The following SCAI variants were observed in gnomAD, a reference collection of about 807,000 sequenced individuals.
The protein encoded by SCAI is suppressor of cancer cell invasion.
A neutral mutation model predicts 92.2 loss-of-function variants in SCAI; 24 were observed. The ratio of observed to expected loss-of-function variants is 0.26; its 90% confidence interval spans 0.19 to 0.37. SCAI has a LOEUF of 0.37. Among genes scored for constraint, SCAI ranks in the 10% least tolerant of loss-of-function variants. The pLI is 1.00. For synonymous variants in SCAI, 261 were observed against 258.6 expected (o/e 1.01, Z -0.09); for missense variants, 450 against 736.2 (o/e 0.61, Z 4.50).
chr9:125,044,393 C>A (rs1833393382), intron 3 of SCAI, among the ~76,000 whole-genome samples: 1 of 152,102 alleles, frequency 6.6e-6, no homozygotes, highest in African/African-American at 2.4e-5. Flanking sequence ...AAAGGAGCTA[C>A]CCACTCCTTT....
chr9:125,018,722 A>G (rs1832811953), intron 9 of SCAI, 77 bp downstream of exon 9: 1 of 1,272,018 alleles, frequency 7.9e-7, no homozygotes, highest in African/African-American at 1.5e-5. Context: ...GATATTTATA[A>G]GAAAATAATT....
chr9:125,039,733 GTT>G (rs1833281641), intron 3 of SCAI, among the ~76,000 whole-genome samples: 1 of 152,070 alleles, frequency 6.6e-6, no homozygotes, highest in South Asian at 2.1e-4. Context: ...TGGTTACAAG[GTT>G]TTAAGACTTG....
intron 2 of SCAI, among the ~76,000 whole-genome samples, chr9:125,128,250 AAGGT>A: frequency 6.6e-6 from 1 of 152,116 alleles, no homozygotes; most frequent in African/African-American, 2.4e-5. Flanking sequence ...CCAGGCGTTC[AAGGT>A]GCTGTAAGCT....
chr9:124,967,945 A>G (rs1831572719), intron 17 of SCAI, among the ~76,000 whole-genome samples: 1 of 152,214 alleles, frequency 6.6e-6, no homozygotes, highest in African/African-American at 2.4e-5. Context: ...AAGTCCTTCA[A>G]AGAATGAAGA....
intron 2 of SCAI, among the ~76,000 whole-genome samples, chr9:125,062,444 T>TAAAAAA (rs77722544): frequency 1.6e-5 from 2 of 123,650 alleles, no homozygotes. Context: ...ATATTAAAAT[T>TAAAAAA]AAAAAAAAAA....
intron 2 of SCAI, among the ~76,000 whole-genome samples, chr9:125,061,602 A>G (rs1326868332): frequency 6.6e-6 from 1 of 152,156 alleles, no homozygotes; most frequent in African/African-American, 2.4e-5. Flanking sequence ...CTACAAAAAA[A>G]TACAAAAGCT....
At chr9:124,980,001 G>C (rs1185662395) in intron 14 of SCAI, among the ~76,000 whole-genome samples, 1 of 148,166 alleles carries the variant, frequency 6.7e-6, no homozygotes, top group South Asian at 2.1e-4. Context: ...AGTGAGCTGA[G>C]ATCGGACCAC....
chr9:125,031,709 T>C (rs1588164297), intron 3 of SCAI, among the ~76,000 whole-genome samples: 6 of 152,198 alleles, frequency 3.9e-5, no homozygotes, highest in Admixed American at 2.6e-4. Context: ...TTTATAACTC[T>C]TTCCATAAAG....
In SCAI at chr9:125,003,470, T is replaced by C. The variant is rs1195879424; in HGVS notation, c.962A>G (p.Gln321Arg). 2 of 1,599,434 alleles carry C rather than the reference T, an allele frequency of 1.3e-6. No individual in the cohort carries two copies. The highest frequency in any genetic ancestry group is 8.6e-7 in the Non-Finnish European group (1 of 1,166,898). Residue 321 changes from glutamine (Q) to arginine (R), a missense_variant and splice_region_variant, in exon 10 of 18, where the codon CAG (glutamine) becomes CGG (arginine). Around this residue, in one of 3 missense-constraint regions of SCAI, gnomAD observed 360 missense variants for 601.8 expected, o/e 0.60. Transcript: ENST00000336505. ...TGCAAATGTAAAAGAGGAGATTACC[T>C]GCATTCCTGGTTTATTCATCTGGGA... is the stretch of plus-strand genomic sequence containing the variant. ...LASQMNKPGM[Q>R]ESADKPTRRE... is the part of the protein sequence containing the mutation.
intron 2 of SCAI, among the ~76,000 whole-genome samples, chr9:125,132,598 C>T (rs1020088822): frequency 9.9e-5 from 15 of 152,188 alleles, no homozygotes; most frequent in South Asian, 4.1e-4. Flanking sequence ...AAGCACCTTA[C>T]GCTCCATATA....
At chr9:124,986,186 G>A (rs763664430) in intron 14 of SCAI, among the ~76,000 whole-genome samples, 35 of 151,984 alleles carry the variant, frequency 2.3e-4, no homozygotes, top group Non-Finnish European at 4.6e-4. Context: ...AGCTACTTGG[G>A]AGGCTGAAGC....
intron 13 of SCAI, among the ~76,000 whole-genome samples, chr9:124,997,613 C>T (rs1447719401): frequency 6.6e-6 from 1 of 151,956 alleles, no homozygotes; most frequent in African/African-American, 2.4e-5. Context: ...CGGTGGCTCA[C>T]GCCTGTAATC....
rs555396545 is a variant in SCAI, at chr9:125,143,118, G to A, written c.53+267C>T. On this transcript the variant is annotated intron_variant, in intron 1 of 17. Coordinates refer to ENST00000336505, the MANE Select transcript of SCAI (RefSeq NM_001144877.3). ...CATTCCACGGCCCCTCCGGGGGCGC[G>A]CCCGCCTTGCCCCTCCCGGCCCCGC... Among the ~76,000 whole-genome samples the A allele has an allele frequency of 9.7e-5, 14 of 143,642 alleles. 1 individual carries two copies. In the South Asian group the frequency reaches 3.2e-3, roughly 33 times the overall value. 94.2% of individuals were successfully genotyped at this position (143,642 alleles called of 152,430 possible).
chr9:125,116,780 G>GA (rs918651516), intron 2 of SCAI, among the ~76,000 whole-genome samples: 6 of 151,808 alleles, frequency 4.0e-5, no homozygotes, highest in Admixed American at 6.6e-5. Flanking sequence ...AATATCTGTT[G>GA]AAAAAATCAT....
At chr9:125,045,017 C>T (rs141743787) in intron 3 of SCAI, among the ~76,000 whole-genome samples, 1 of 152,162 alleles carries the variant, frequency 6.6e-6, no homozygotes, top group Non-Finnish European at 1.5e-5. Context: ...ACACACCCCT[C>T]GCTGCTCCAT....
chr9:125,032,200 T>A (rs1406467092), intron 3 of SCAI, among the ~76,000 whole-genome samples: 1 of 140,298 alleles, frequency 7.1e-6, no homozygotes, highest in South Asian at 2.3e-4. Context: ...TATATATTTT[T>A]TTTTTTTTTT....
At chr9:125,004,422 G>A (rs561290972) in intron 9 of SCAI, among the ~76,000 whole-genome samples, 18 of 149,864 alleles carry the variant, frequency 1.2e-4, no homozygotes, top group African/African-American at 3.9e-4. Flanking sequence ...TCTGCCTCCC[G>A]TGTTCAAACG....
chr9:124,998,257 A>T (rs1832285573), intron 13 of SCAI, among the ~76,000 whole-genome samples: 1 of 152,186 alleles, frequency 6.6e-6, no homozygotes, highest in Non-Finnish European at 1.5e-5. Flanking sequence ...GTTCGAGACC[A>T]GACTGGTCAA....
chr9:125,008,324 A>C (rs962231373), intron 9 of SCAI, among the ~76,000 whole-genome samples: 1 of 152,036 alleles, frequency 6.6e-6, no homozygotes, highest in Non-Finnish European at 1.5e-5. Context: ...TTTAGTAGAG[A>C]CAGGGTTTCA....
Sources: gnomAD v4.1 joint callset for allele counts (sites outside exome capture counted in the v4.1 genomes callset) on GRCh38, gnomAD v4.1.1 for gene constraint, gnomAD v4.1.1 regional missense constraint, MANE v1.5 for transcripts, NCBI Gene and HGNC (gene_info 2026-07-23, HGNC 2026-07-21) for gene names.